Variants in PLXNA4 observed in about 807,000 individuals in gnomAD.
PLXNA4 encodes plexin-A4.
In PLXNA4, 44 loss-of-function variants were observed where a neutral mutation model predicts 191.8. The observed-to-expected ratio is 0.23, with a 90% CI of 0.18 to 0.29. The LOEUF (loss-of-function observed/expected upper bound fraction) is 0.29, where lower values mean the gene tolerates loss of function less well. Ranked by LOEUF, PLXNA4 falls within the 10% of genes least tolerant of loss-of-function variation. PLXNA4 has a pLI of 1.00. For synonymous variants in PLXNA4, 1,082 were observed against 1,009.5 expected, an observed-to-expected ratio of 1.07 and a Z score of -1.36; for missense variants, 1,800 against 2,488.8, an observed-to-expected ratio of 0.72 and a Z score of 5.89.
At chr7:132,470,046 C>G (rs1020868138) in intron 3 of PLXNA4, among the ~76,000 whole-genome samples, 3 of 152,214 alleles carry the variant, frequency 2.0e-5, no homozygotes, top group Non-Finnish European at 4.4e-5. Flanking sequence ...CCACCAAAAG[C>G]CTCTCTGCCT....
In PLXNA4 at chr7:132,227,510, T is replaced by C. The variant is rs1225871847; in HGVS notation, c.1823A>G (p.Asn608Ser). 5 of 1,613,994 alleles carry C rather than the reference T, an allele frequency of 3.1e-6. No homozygotes were observed. In the Admixed American group the frequency reaches 6.7e-5, roughly 22 times the overall value. ...TGCAGGGGAGTAGCACTGGATCTGA[T>C]TGCCCACGACCAGCCCATCCATCTC... ...LSEMDGLVVG[N>S]QIQCYSPAAK... Residue 608 changes from asparagine (N) to serine (S), a missense_variant, in exon 7 of 32, where the codon AAT becomes AGT. Asn to Ser is a conservative substitution (Grantham distance 46). Coordinates refer to ENST00000321063, the MANE Select transcript of PLXNA4 (RefSeq NM_020911.2).
chr7:132,213,224 T>TG (rs1241012509), intron 9 of PLXNA4, among the ~76,000 whole-genome samples: 2 of 152,048 alleles, frequency 1.3e-5, no homozygotes, highest in Non-Finnish European at 2.9e-5. Context: ...GAAAGTAGAA[T>TG]GGTGATGTCT....
At position 132,211,104 on chromosome 7, in the gene PLXNA4, G is replaced by A. The variant is rs1222451103; in HGVS notation, c.2137C>T (p.Pro713Ser). ...GTGATAGGCTTGATCACCTCCACGG[G>A]CACCAGGATCTTGTCCACTCGCAGC... ...QLLRVDKILV[P>S]VEVIKPITLK... The change falls in exon 10 of 32, where the codon CCC becomes TCC. Residue 713 changes from proline to serine, a missense_variant. This residue lies in a region of PLXNA4 where 1,397 missense variants were observed against 1,880.4 expected (regional missense o/e 0.74). Transcript: ENST00000321063. 4 of 1,578,830 alleles carry A rather than the reference G, an allele frequency of 2.5e-6. No homozygotes were observed. Among genetic ancestry groups the A allele is most frequent in the Admixed American group, 1.8e-5 (1 of 54,298 alleles).
chr7:132,624,480 C>T (rs1395466457), intron 2 of PLXNA4, among the ~76,000 whole-genome samples: 4 of 152,094 alleles, frequency 2.6e-5, no homozygotes, highest in African/African-American at 9.7e-5. Context: ...TGCCAGAGGT[C>T]ACATGGGGGT....
chr7:132,304,207 A>G (rs1457261720), intron 3 of PLXNA4, among the ~76,000 whole-genome samples: 3 of 152,198 alleles, frequency 2.0e-5, no homozygotes, highest in Admixed American at 6.5e-5. Context: ...GAATTTGATC[A>G]TCTTCCTGCA....
chr7:132,601,320 T>C (rs1021948385), intron 2 of PLXNA4, among the ~76,000 whole-genome samples: 2 of 151,590 alleles, frequency 1.3e-5, no homozygotes, highest in Non-Finnish European at 2.9e-5. Flanking sequence ...GATAGTGTGG[T>C]AGAGCCCGTG....
Position 132,271,022 on chromosome 7 carries a change from C to G in PLXNA4, c.1503+27069G>C, listed in dbSNP as rs140134985. The stretch of plus-strand genomic sequence containing the variant: ...CAGTTATGTGAGGCCATATGACTAT[C>G]TAGTGGAATGTAAGTGAAAGTGAAA... On this transcript the variant is annotated intron_variant, in intron 4 of 31. Transcript: ENST00000321063. The G allele has an allele frequency of 2.0e-4, 31 of 152,234 alleles. No homozygotes were observed. The East Asian group carries it at 4.4e-3, about 22-fold the overall frequency. 9.4% of individuals were successfully genotyped at this position (152,234 alleles called of 1,614,324 possible).
At chr7:132,283,571 C>T (rs1800567659) in intron 4 of PLXNA4, among the ~76,000 whole-genome samples, 2 of 151,200 alleles carry the variant, frequency 1.3e-5, no homozygotes, top group Non-Finnish European at 3.0e-5. Flanking sequence ...GCAAGAAGAA[C>T]TCAGCCTGTG....
chr7:132,181,417 G>A lies in PLXNA4; in HGVS notation c.3456C>T (p.Ile1152=). The change falls in exon 18 of 32, where the codon ATC becomes ATT. Residue 1152 remains isoleucine, a synonymous_variant. Transcript: ENST00000321063. ...TGGGCGTGCCAGGCTTGAGCTCCAG[G>A]ATTCCTGAGGGACCAAAGGCCTCAA... ...PVFEAFGPSG[I]LELKPGTPII... 1 of 1,614,110 alleles carries A rather than the reference G, an allele frequency of 6.2e-7. No homozygotes were observed. The highest frequency in any genetic ancestry group is 8.5e-7 in the Non-Finnish European group (1 of 1,180,004).
intron 4 of PLXNA4, among the ~76,000 whole-genome samples, chr7:132,296,970 G>A (rs1296359242): frequency 6.6e-6 from 1 of 152,118 alleles, no homozygotes; most frequent in African/African-American, 2.4e-5. Context: ...AGAACGGGGA[G>A]TCTGACAACA....
chr7:132,502,196 C>A (rs1402357045), intron 2 of PLXNA4, among the ~76,000 whole-genome samples: 2 of 152,156 alleles, frequency 1.3e-5, no homozygotes, highest in Non-Finnish European at 2.9e-5. Context: ...GAGTAACCAC[C>A]CAGACTGGAA....
chr7:132,341,598 A>G (rs1159317101), intron 3 of PLXNA4, among the ~76,000 whole-genome samples: 2 of 152,002 alleles, frequency 1.3e-5, no homozygotes, highest in Non-Finnish European at 2.9e-5. Flanking sequence ...CACACCTTCT[A>G]ATTCTGGGCC....
intron 2 of PLXNA4, among the ~76,000 whole-genome samples, chr7:132,636,884 C>T (rs1803619269): frequency 6.6e-6 from 1 of 152,200 alleles, no homozygotes; most frequent in Non-Finnish European, 1.5e-5. Flanking sequence ...GTTGCAGAGA[C>T]CACAGCTAGC....
intron 1 of PLXNA4, among the ~76,000 whole-genome samples, chr7:132,511,743 T>G (rs910837685): frequency 6.6e-6 from 1 of 152,200 alleles, no homozygotes; most frequent in Non-Finnish European, 1.5e-5. Context: ...GTGGTACATC[T>G]CAAGATGAGT....
At chr7:132,457,504 G>A (rs560394179) in intron 3 of PLXNA4, among the ~76,000 whole-genome samples, 2 of 152,188 alleles carry the variant, frequency 1.3e-5, no homozygotes, top group African/African-American at 2.4e-5. Flanking sequence ...TTTCATGAAG[G>A]TAGGTTCTGA....
intron 14 of PLXNA4, among the ~76,000 whole-genome samples, chr7:132,189,040 G>GAGAGAGAGAGAGAGAGAGAGAGAA (rs1797004062): frequency 2.6e-5 from 2 of 76,588 alleles, no homozygotes; most frequent in African/African-American, 1.6e-4. Flanking sequence ...AAGAGAGAGA[G>GAGAGAGAGAGAGAGAGAGAGAGAA]AGAGAGAGAG....
chr7:132,561,635 C>T (rs1236730259), intron 1 of PLXNA4, among the ~76,000 whole-genome samples: 17 of 131,648 alleles, frequency 1.3e-4, no homozygotes, highest in Admixed American at 2.3e-4. Context: ...CTTCCTCCTC[C>T]TCCTTCTCCT....
intron 2 of PLXNA4, among the ~76,000 whole-genome samples, 191 bp from the exon 3 acceptor site, chr7:132,489,665 T>C (rs1218516832): frequency 6.6e-6 from 1 of 152,144 alleles, no homozygotes; most frequent in East Asian, 1.9e-4. Flanking sequence ...AGTGGGCAGG[T>C]GCAGGGACAT....
At chr7:132,545,141 A>G (rs1158904561) in intron 1 of PLXNA4, among the ~76,000 whole-genome samples, 2 of 152,084 alleles carry the variant, frequency 1.3e-5, no homozygotes, top group South Asian at 4.1e-4. Flanking sequence ...CAGGATGACC[A>G]CCCCTCCCCC....
Sources: gnomAD v4.1 joint callset for allele counts (sites outside exome capture counted in the v4.1 genomes callset) on GRCh38, gnomAD v4.1.1 for gene constraint, gnomAD v4.1.1 regional missense constraint, MANE v1.5 for transcripts, NCBI Gene and HGNC (gene_info 2026-07-23, HGNC 2026-07-21) for gene names.